Variants in PTH1R observed in about 807,000 individuals in gnomAD.
The protein encoded by PTH1R is parathyroid hormone/parathyroid hormone-related peptide receptor.
In PTH1R, 32 loss-of-function variants were observed where a neutral mutation model predicts 70.7. That is an observed-to-expected ratio of 0.45 (90% CI 0.34 to 0.61). PTH1R has a LOEUF of 0.61. Ranked by LOEUF, PTH1R falls within the 20% of genes least tolerant of loss-of-function variation. PTH1R has a pLI of 0.01. For synonymous variants in PTH1R, 329 were observed against 324.8 expected, an observed-to-expected ratio of 1.01 and a Z score of -0.14; for missense variants, 626 against 792.5, an observed-to-expected ratio of 0.79 and a Z score of 2.52.
rs1248026906 is a variant in PTH1R at position 46,892,395 on chromosome 3, A to G, written c.76-1512A>G. On this transcript the variant is annotated intron_variant, in intron 3 of 15. Transcript: ENST00000449590. The surrounding 1 kb of genome is among the most constrained non-coding windows in gnomAD (Gnocchi z 5.2). ...CTCGCGTCCCATACTGACAGGCTGG[A>G]CAGTCTCCATGTGAGAACGCGCACG... Among the ~76,000 whole-genome samples, 2 of 152,192 alleles carry G rather than the reference A, an allele frequency of 1.3e-5. No homozygotes were observed. Among genetic ancestry groups the G allele is most frequent in the African/African-American group, 4.8e-5 (2 of 41,444 alleles).
Position 46,883,124 on chromosome 3 carries a change from G to C in PTH1R, c.-48-388G>C, listed in dbSNP as rs886202180. ...CCACTGGGCGTGGGGCGAAGCCACA[G>C]CTCCCATTTCCCCAAAAGAAAAAAA... On this transcript the variant is annotated intron_variant, in intron 2 of 15. Transcript: ENST00000449590. The surrounding 1 kb of genome is among the most constrained non-coding windows in gnomAD (Gnocchi z 6.4). Among the ~76,000 whole-genome samples the C allele has an allele frequency of 6.7e-6, 1 of 148,406 alleles. No homozygotes were observed. The highest frequency in any genetic ancestry group is 1.5e-5 in the Non-Finnish European group (1 of 67,088).
At position 46,901,663 on chromosome 3, in the gene PTH1R, C is replaced by T. The variant is rs904065141; in HGVS notation, c.1117-103C>T. Reference sequence around the variant, plus strand: ...GGAAAACCAAGGGCTCAAGGAGCCACCCAGAGATGCAGTGACAGAGCAGAG... The same window carrying T: ...GGAAAACCAAGGGCTCAAGGAGCCATCCAGAGATGCAGTGACAGAGCAGAG... On this transcript the variant is annotated intron_variant, in intron 12 of 15. Coordinates refer to ENST00000449590, the MANE Select transcript of PTH1R (RefSeq NM_000316.3). This position sits in a 1 kb window ranked among gnomAD's most constrained non-coding sequence, Gnocchi z 7.3. The T allele has an allele frequency of 5.6e-6, 8 of 1,417,180 alleles. No homozygotes were observed. The African/African-American group carries it at 9.9e-5, about 18-fold the overall frequency. 87.8% of individuals were successfully genotyped at this position (1,417,180 alleles called of 1,614,324 possible).
chr3:46,887,985 G>A lies in PTH1R; in HGVS notation c.75+4351G>A, dbSNP rs1029834712. Among the ~76,000 whole-genome samples the A allele has an allele frequency of 2.8e-4, 42 of 152,250 alleles. 1 individual carries two copies. Among genetic ancestry groups the A allele is most frequent in the African/African-American group, 9.9e-4 (41 of 41,524 alleles). ...TATTTCTAGATTTTGTCATTGCTGG[G>A]CCTGAGAATATACATATTTTTTATT... On this transcript the variant is annotated intron_variant, in intron 3 of 15. Coordinates refer to ENST00000449590, the MANE Select transcript of PTH1R (RefSeq NM_000316.3).
rs199821001 is a variant in PTH1R at position 46,895,759 on chromosome 3, G to A, written c.203G>A (p.Gly68Glu). The A allele has an allele frequency of 1.1e-5, 18 of 1,614,052 alleles. No homozygotes were observed. Among genetic ancestry groups the A allele is most frequent in the Non-Finnish European group, 1.4e-5 (17 of 1,180,032 alleles). The change falls in exon 5 of 16, where the codon GGA (glycine) becomes GAA (glutamate). Residue 68 changes from glycine (G) to glutamate (E), a missense_variant. By Grantham distance (98) the Gly-to-Glu change is moderately conservative (BLOSUM62 -2). This residue lies in a region of PTH1R where 123 missense variants were observed against 125.7 expected (regional missense o/e 0.98). Transcript: ENST00000449590. Reference protein sequence around the residue: ...RPASIMESDKGWTSASTSGKP... With the variant: ...RPASIMESDKEWTSASTSGKP... ...GCCAGCATAATGGAATCAGACAAGG[G>A]ATGGACATCTGCGTCCACATCAGGG... is the stretch of plus-strand genomic sequence containing the variant.
intron 4 of PTH1R, 148 bp from the exon 5 acceptor site, chr3:46,895,587 T>C: frequency 8.5e-7 from 1 of 1,178,080 alleles, no homozygotes. Flanking sequence ...TCCTCACCCA[T>C]CGTCTCAGAT....
chr3:46,900,118 G>C (rs1248297635), intron 10 of PTH1R, among the ~76,000 whole-genome samples: 1 of 152,136 alleles, frequency 6.6e-6, no homozygotes, highest in African/African-American at 2.4e-5. Flanking sequence ...GGGTGGGCCG[G>C]GTGGCTGGAG....
chr3:46,883,345 C>G lies in PTH1R; in HGVS notation c.-48-167C>G. On this transcript the variant is annotated intron_variant, in intron 2 of 15. Coordinates refer to ENST00000449590, the MANE Select transcript of PTH1R (RefSeq NM_000316.3). This position sits in a 1 kb window ranked among gnomAD's most constrained non-coding sequence, Gnocchi z 6.4. ...CTCCCTCCCTCCTGTCCCTCCCTCC[C>G]TCCCTCCTTTGCGCTGCTCGCTCGC... 4.4e-6 allele frequency: 1 copy of G among 229,592 alleles called. No homozygotes were observed. The highest frequency in any genetic ancestry group is 8.3e-6 in the Non-Finnish European group (1 of 120,172). The allele number at this position is 229,592 out of a possible 1,614,324, so 14.2% of individuals were successfully genotyped here.
At chr3:46,888,311 C>T (rs1026056255) in intron 3 of PTH1R, among the ~76,000 whole-genome samples, 1 of 152,254 alleles carries the variant, frequency 6.6e-6, no homozygotes, top group Non-Finnish European at 1.5e-5. Flanking sequence ...ATCACCTGCT[C>T]TTAAACACAT....
Position 46,884,981 on chromosome 3 carries a change from T to C in PTH1R, c.75+1347T>C, listed in dbSNP as rs1051558892. ...AAAGACAGCCCCATACAAGGCCTTG[T>C]GGATGGGGAAACTGAGGTTCAGAGG... On this transcript the variant is annotated intron_variant, in intron 3 of 15. Coordinates refer to ENST00000449590, the MANE Select transcript of PTH1R (RefSeq NM_000316.3). The surrounding 1 kb of genome is among the most constrained non-coding windows in gnomAD (Gnocchi z 4.8). Among the ~76,000 whole-genome samples the C allele has an allele frequency of 6.6e-6, 1 of 152,030 alleles. No homozygotes were observed. Among genetic ancestry groups the C allele is most frequent in the Non-Finnish European group, 1.5e-5 (1 of 68,000 alleles).
In PTH1R at chr3:46,901,161, G is replaced by T. The variant is rs968092802; in HGVS notation, c.1049+76G>T. 3 of 1,507,248 alleles carry T rather than the reference G, an allele frequency of 2.0e-6. No individual in the cohort carries two copies. The African/African-American group carries it at 4.2e-5, about 21-fold the overall frequency. The allele number at this position is 1,507,248 out of a possible 1,614,324, so 93.4% of individuals were successfully genotyped here. ...TTTCTTCCAGGAAGCATGTGAGAGG[G>T]CCTCCTGTACCCTGGCCTCAAACGG... On this transcript the variant is annotated intron_variant, in intron 11 of 15. Transcript: ENST00000449590. This position sits in a 1 kb window ranked among gnomAD's most constrained non-coding sequence, Gnocchi z 7.3.
intron 3 of PTH1R, among the ~76,000 whole-genome samples, chr3:46,890,909 T>C (rs2031379643): frequency 6.6e-6 from 1 of 152,068 alleles, no homozygotes; most frequent in African/African-American, 2.4e-5. Flanking sequence ...ATTCACATTG[T>C]GGGGCTGGTG....
Position 46,903,240 on chromosome 3 carries a change from A to C in PTH1R, c.1396-30A>C, listed in dbSNP as rs1575526662. 1 of 1,610,874 alleles carries C rather than the reference A, an allele frequency of 6.2e-7. No individual in the cohort carries two copies. The highest frequency in any genetic ancestry group is 1.1e-5 in the South Asian group (1 of 90,830). On this transcript the variant is annotated intron_variant, in intron 15 of 15. Transcript: ENST00000449590. This position sits in a 1 kb window ranked among gnomAD's most constrained non-coding sequence, Gnocchi z 4.4. ...GGGCATCGCTGGGGTTGGGAGACAC[A>C]CCTGACTGCCGCACCCTTACTGCCC...
At position 46,897,719 on chromosome 3, in the gene PTH1R, G is replaced by A. The variant is rs926182020; in HGVS notation, c.314-136G>A. 50 of 836,240 alleles carry A rather than the reference G, an allele frequency of 6.0e-5. 1 individual carries two copies. Among genetic ancestry groups the A allele is most frequent in the Non-Finnish European group, 8.4e-5 (43 of 512,438 alleles). The allele number at this position is 836,240 out of a possible 1,614,324, so 51.8% of individuals were successfully genotyped here. ...GCCCTCCAGCCTGAGCAACAAAAGC[G>A]AAACTCCGTCTCAAAAAAACAAAAC... On this transcript the variant is annotated intron_variant, in intron 5 of 15. Coordinates refer to ENST00000449590, the MANE Select transcript of PTH1R (RefSeq NM_000316.3).
Position 46,877,802 on chromosome 3 carries a change from T to G in PTH1R, c.-147T>G, listed in dbSNP as rs2030317506. ...CTCCCCGTGGCCAACTTGAGTCTGCTCTGCAGCTTTAGGCCCGACTTGGAA... is the reference window on the plus strand; with the variant it reads ...CTCCCCGTGGCCAACTTGAGTCTGCGCTGCAGCTTTAGGCCCGACTTGGAA... On this transcript the variant is annotated 5_prime_UTR_variant, in exon 1 of 16. Coordinates refer to ENST00000449590, the MANE Select transcript of PTH1R (RefSeq NM_000316.3). 1.3e-5 allele frequency: 2 copies of G among 152,298 alleles called. No individual in the cohort carries two copies. 9.4% of individuals were successfully genotyped at this position (152,298 alleles called of 1,614,324 possible).
rs1219043383 is a variant in PTH1R at position 46,893,040 on chromosome 3, A to C, written c.76-867A>C. Among the ~76,000 whole-genome samples the C allele has an allele frequency of 6.6e-6, 1 of 152,112 alleles. No individual in the cohort carries two copies. The highest frequency in any genetic ancestry group is 6.5e-5 in the Admixed American group (1 of 15,280). On this transcript the variant is annotated intron_variant, in intron 3 of 15. Transcript: ENST00000449590. This position sits in a 1 kb window ranked among gnomAD's most constrained non-coding sequence, Gnocchi z 5.2. The stretch of plus-strand genomic sequence containing the variant: ...CAGAGGCTGAGACCCCTCAGCAGCC[A>C]CCTGCTCTGGGTGAGCCTCCACCCG...
chr3:46,898,453 C>A lies in PTH1R; in HGVS notation c.619C>A (p.Leu207Ile), dbSNP rs1277495201. 6.2e-7 allele frequency: 1 copy of A among 1,614,070 alleles called. No homozygotes were observed. The highest frequency in any genetic ancestry group is 1.7e-5 in the Admixed American group (1 of 60,024). Residue 207 changes from leucine to isoleucine, a missense_variant, in exon 8 of 16, where the codon CTC becomes ATC. Coordinates refer to ENST00000449590, the MANE Select transcript of PTH1R (RefSeq NM_000316.3). ...VSLASLTVAV[L>I]ILAYFRRLHC... is the part of the protein sequence containing the mutation. ...CCTGGCGTCCCTCACCGTAGCTGTG[C>A]TCATCCTGGCCTACTTTAGGTGGGC...
intron 3 of PTH1R, among the ~76,000 whole-genome samples, chr3:46,889,589 C>T (rs1052328983): frequency 1.3e-5 from 2 of 152,164 alleles, no homozygotes; most frequent in African/African-American, 4.8e-5. Context: ...GTGCAGGAGG[C>T]ATGGGTTTTA....
chr3:46,898,353 CTG>C (rs779476166), intron 7 of PTH1R, 23 bp from the exon 8 acceptor site: 2 of 1,610,690 alleles, frequency 1.2e-6, no homozygotes, highest in South Asian at 2.2e-5. Flanking sequence ...AGGGCTCTGA[CTG>C]TGTCTCCCCC....
chr3:46,879,145 G>T lies in PTH1R; in HGVS notation c.-106+1302G>T, dbSNP rs2106938353. Among the ~76,000 whole-genome samples, 1 of 152,290 alleles carries T rather than the reference G, an allele frequency of 6.6e-6. No individual in the cohort carries two copies. Among genetic ancestry groups the T allele is most frequent in the African/African-American group, 2.4e-5 (1 of 41,542 alleles). ...CCCACAGCTGTGGAATGTCCAGCAG[G>T]GGACTCTGGGGTGAGGCACATGAGT... On this transcript the variant is annotated intron_variant, in intron 1 of 15. Transcript: ENST00000449590. The surrounding 1 kb of genome is among the most constrained non-coding windows in gnomAD (Gnocchi z 4.7).
Sources: allele counts gnomAD v4.1 joint callset (sites outside exome capture counted in the v4.1 genomes callset), GRCh38; gene constraint gnomAD v4.1.1; regional missense constraint gnomAD v4.1.1; non-coding constraint Gnocchi (gnomAD v3.1); transcripts MANE v1.5; gene names NCBI Gene and HGNC (gene_info 2026-07-23, HGNC 2026-07-21).